COL9A2: variants seen among roughly 807,000 people sequenced by gnomAD.
COL9A2 encodes collagen alpha-2(IX) chain.
A neutral mutation model predicts 111.6 loss-of-function variants in COL9A2; 66 were observed. That is an observed-to-expected ratio of 0.59 (90% CI 0.48 to 0.73). COL9A2 has a LOEUF of 0.73. Among genes scored for constraint, COL9A2 ranks in the 30% least tolerant of loss-of-function variants. COL9A2 has a pLI of 0.00. For synonymous variants in COL9A2, 353 were observed against 364.1 expected, an observed-to-expected ratio of 0.97 and a Z score of 0.35; for missense variants, 881 against 954.1, an observed-to-expected ratio of 0.92 and a Z score of 1.01.
At position 40,311,553 on chromosome 1, in the gene COL9A2, A is replaced by T. The variant is rs1461695071; in HGVS notation, c.472-6T>A. On this transcript the variant is annotated splice_polypyrimidine_tract_variant and splice_region_variant and intron_variant, in intron 9 of 31. Transcript: ENST00000372748. The surrounding 1 kb of genome is among the most constrained non-coding windows in gnomAD (Gnocchi z 5.1). ...TGGATGGTTCCCGGGCGACCCTGAG[A>T]GGAGACATGAAGATGGAGCTTGGCC... 1 of 1,612,530 alleles carries T rather than the reference A, an allele frequency of 6.2e-7. No homozygotes were observed.
Position 40,305,710 on chromosome 1 carries a change from T to C in COL9A2, c.1107+5A>G, listed in dbSNP as rs1644018114. 6.2e-7 allele frequency: 1 copy of C among 1,613,726 alleles called. No homozygotes were observed. Reference sequence around the variant, plus strand: ...AACCCTTGTGTCAGTGCAGGGGGCATTTACCTCTTTCCCAGGGGGACCAGA... The same window carrying C: ...AACCCTTGTGTCAGTGCAGGGGGCACTTACCTCTTTCCCAGGGGGACCAGA... On this transcript the variant is annotated splice_donor_5th_base_variant and intron_variant, in intron 21 of 31. Coordinates refer to ENST00000372748, the MANE Select transcript of COL9A2 (RefSeq NM_001852.4).
chr1:40,314,103 C>T lies in COL9A2; in HGVS notation c.249+102G>A. On this transcript the variant is annotated intron_variant, in intron 4 of 31. Coordinates refer to ENST00000372748, the MANE Select transcript of COL9A2 (RefSeq NM_001852.4). This position sits in a 1 kb window ranked among gnomAD's most constrained non-coding sequence, Gnocchi z 4.1. ...GGCTCACAGCTGGAGAATCTCCATC[C>T]TGCTGCCCATCTCTGAACAGATCAG... The T allele has an allele frequency of 7.9e-7, 1 of 1,264,138 alleles. No individual in the cohort carries two copies. The highest frequency in any genetic ancestry group is 1.2e-6 in the Non-Finnish European group (1 of 862,972). The allele number at this position is 1,264,138 out of a possible 1,614,324, so 78.3% of individuals were successfully genotyped here. A position where few individuals can be genotyped will look rare whatever the true frequency, so the allele number is the denominator to read the frequency against.
rs548667653 is a variant in COL9A2 at position 40,311,458 on chromosome 1, C to A, written c.519+42G>T. The A allele has an allele frequency of 1.5e-5, 24 of 1,585,372 alleles. No homozygotes were observed. In the South Asian group the frequency reaches 2.4e-4, roughly 16 times the overall value. ...GCCCCGCCTCCCCATCTCTGTGGCC[C>A]CGCCCCCCTGTGTTAGCCCCGCCCC... is the stretch of plus-strand genomic sequence containing the variant. On this transcript the variant is annotated intron_variant, in intron 10 of 31. Coordinates refer to ENST00000372748, the MANE Select transcript of COL9A2 (RefSeq NM_001852.4). The surrounding 1 kb of genome is among the most constrained non-coding windows in gnomAD (Gnocchi z 5.1).
intron 17 of COL9A2, 104 bp downstream of exon 17, chr1:40,308,088 G>C: frequency 1.7e-6 from 2 of 1,156,090 alleles, no homozygotes; most frequent in Non-Finnish European, 1.3e-6. Context: ...CAGCCCACCA[G>C]TTGCAGAGTT....
chr1:40,312,057 A>AC lies in COL9A2; in HGVS notation c.417+1dup. 6.3e-7 allele frequency: 1 copy of AC among 1,598,916 alleles called. No individual in the cohort carries two copies. On this transcript the variant is annotated splice_donor_variant, in intron 8 of 31. Transcript: ENST00000372748. LOFTEE classifies it high-confidence loss of function. The surrounding 1 kb of genome is among the most constrained non-coding windows in gnomAD (Gnocchi z 6.0). ...AGTGAACAGAGGGTGGCTGAGGCTCACCTTGGGGCCTCGGATTCCAATCTC... is the reference window on the plus strand; with the variant it reads ...AGTGAACAGAGGGTGGCTGAGGCTCACCCTTGGGGCCTCGGATTCCAATCTC...
At position 40,301,848 on chromosome 1, in the gene COL9A2, C is replaced by A. The variant is rs142151614; in HGVS notation, c.1834G>T (p.Gly612Trp). The A allele has an allele frequency of 1.2e-6, 2 of 1,614,010 alleles. No homozygotes were observed. The stretch of plus-strand genomic sequence containing the variant: ...GGGGGCCCAGGCATCCCGGGGTGCC[C>A]CCGTCCCACTTCTCCTGGATCACCC... ...EKGDPGEVGR[G>W]HPGMPGPPGI... Residue 612 changes from glycine (G) to tryptophan (W), a missense_variant, in exon 31 of 32, where the codon GGG (glycine) becomes TGG (tryptophan). Physicochemically the swap from Gly to Trp is radical, Grantham distance 184 (BLOSUM62 -2). Coordinates refer to ENST00000372748, the MANE Select transcript of COL9A2 (RefSeq NM_001852.4).
chr1:40,303,249 C>A lies in COL9A2; in HGVS notation c.1549-64G>T, dbSNP rs909958775. The A allele has an allele frequency of 5.9e-5, 90 of 1,524,174 alleles. No homozygotes were observed. The highest frequency in any genetic ancestry group is 3.3e-5 in the Non-Finnish European group (37 of 1,113,070). The allele number at this position is 1,524,174 out of a possible 1,614,324, so 94.4% of individuals were successfully genotyped here. On this transcript the variant is annotated intron_variant, in intron 28 of 31. Coordinates refer to ENST00000372748, the MANE Select transcript of COL9A2 (RefSeq NM_001852.4). This position sits in a 1 kb window ranked among gnomAD's most constrained non-coding sequence, Gnocchi z 4.6. Reference sequence around the variant, plus strand: ...CAAGGGCCCACCGCTCCTATCCCACCTGGCTGAGCGTGAGGCCGCCATGGA... The same window carrying A: ...CAAGGGCCCACCGCTCCTATCCCACATGGCTGAGCGTGAGGCCGCCATGGA...
rs554052620 is a variant in COL9A2, at chr1:40,302,760, C to T, written c.1653G>A (p.Ala551=). 47 of 1,565,160 alleles carry T rather than the reference C, an allele frequency of 3.0e-5. No individual in the cohort carries two copies. The East Asian group carries it at 8.9e-4, about 29-fold the overall frequency. The change falls in exon 30 of 32, where the codon GCG becomes GCA. Residue 551 remains alanine, a synonymous_variant. Transcript: ENST00000372748. This position sits in a 1 kb window ranked among gnomAD's most constrained non-coding sequence, Gnocchi z 4.5. ...AVSAKREALG[A]VGMMGPPGPP... is the part of the protein sequence containing the mutation. Reference sequence around the variant, plus strand: ...GTCCTGGAGGACCCATCATGCCCACCGCACCCAGGGCTTCCCGCTTGGCAC... The same window carrying T: ...GTCCTGGAGGACCCATCATGCCCACTGCACCCAGGGCTTCCCGCTTGGCAC...
At chr1:40,308,929 G>A (rs958949567) in intron 16 of COL9A2, among the ~76,000 whole-genome samples, 11 of 152,162 alleles carry the variant, frequency 7.2e-5, no homozygotes, top group Admixed American at 1.3e-4. Flanking sequence ...CTGGTTTTCT[G>A]TATAGTTAAA....
Position 40,301,819 on chromosome 1 carries a change from C to T in COL9A2, c.1863G>A (p.Gly621=). The change falls in exon 31 of 32, where the codon GGG becomes GGA. Residue 621 remains glycine (G), a synonymous_variant. Transcript: ENST00000372748. ...RGHPGMPGPP[G]IPGLPGRPGQ... is the part of the protein sequence containing the mutation. ...GCAGGGCCAATGGCTTACCTGGGATCCCTGGGGGCCCAGGCATCCCGGGGT... is the reference window on the plus strand; with the variant it reads ...GCAGGGCCAATGGCTTACCTGGGATTCCTGGGGGCCCAGGCATCCCGGGGT... The T allele has an allele frequency of 6.2e-7, 1 of 1,614,042 alleles. No homozygotes were observed. Among genetic ancestry groups the T allele is most frequent in the South Asian group, 1.1e-5 (1 of 91,058 alleles).
intron 4 of COL9A2, among the ~76,000 whole-genome samples, chr1:40,313,465 G>T (rs1644164265): frequency 6.6e-6 from 1 of 152,216 alleles, no homozygotes; most frequent in South Asian, 2.1e-4. Flanking sequence ...CACCACGCCA[G>T]GCCATTGGCA....
In COL9A2 at chr1:40,310,794, C is replaced by G. The variant is rs1297399991; in HGVS notation, c.631-27G>C. On this transcript the variant is annotated intron_variant, in intron 12 of 31. Transcript: ENST00000372748. The surrounding 1 kb of genome is among the most constrained non-coding windows in gnomAD (Gnocchi z 4.9). ...TAAAGGGCAGGGATGAGCTGTCAGA[C>G]AGGCAGGCAGATGGAAAGACACATA... The G allele has an allele frequency of 6.5e-7, 1 of 1,548,122 alleles. No individual in the cohort carries two copies. Among genetic ancestry groups the G allele is most frequent in the Non-Finnish European group, 8.8e-7 (1 of 1,142,550 alleles).
rs1470649281 is a variant in COL9A2 at position 40,316,428 on chromosome 1, A to G, written c.75+695T>C. Among the ~76,000 whole-genome samples the G allele has an allele frequency of 2.6e-5, 4 of 152,150 alleles. No homozygotes were observed. On this transcript the variant is annotated intron_variant, in intron 1 of 31. Coordinates refer to ENST00000372748, the MANE Select transcript of COL9A2 (RefSeq NM_001852.4). This position sits in a 1 kb window ranked among gnomAD's most constrained non-coding sequence, Gnocchi z 5.5. Reference sequence around the variant, plus strand: ...TGAGGTTTCAGGGAGGTCACAAGTCATATCAAGATGAGGCGAGCTCACAGC... The same window carrying G: ...TGAGGTTTCAGGGAGGTCACAAGTCGTATCAAGATGAGGCGAGCTCACAGC...
In COL9A2 at chr1:40,301,091, T is replaced by C; in HGVS notation, c.*91A>G. Reference sequence around the variant, plus strand: ...AGACAGAAGGTCCTGGGGGAGATGGTTTCCTGGACTGGGGATGGGTGCATG... The same window carrying C: ...AGACAGAAGGTCCTGGGGGAGATGGCTTCCTGGACTGGGGATGGGTGCATG... On this transcript the variant is annotated 3_prime_UTR_variant, in exon 32 of 32. Transcript: ENST00000372748. 2 of 1,374,262 alleles carry C rather than the reference T, an allele frequency of 1.5e-6. No individual in the cohort carries two copies. The highest frequency in any genetic ancestry group is 2.1e-6 in the Non-Finnish European group (2 of 973,260). The allele number at this position is 1,374,262 out of a possible 1,614,324, so 85.1% of individuals were successfully genotyped here. A position where few individuals can be genotyped will look rare whatever the true frequency, so the allele number is the denominator to read the frequency against.
chr1:40,304,806 G>T lies in COL9A2; in HGVS notation c.1149C>A (p.Ile383=). 1 of 1,550,926 alleles carries T rather than the reference G, an allele frequency of 6.4e-7. No homozygotes were observed. The highest frequency in any genetic ancestry group is 8.7e-7 in the Non-Finnish European group (1 of 1,146,926). The change falls in exon 22 of 32, where the codon ATC becomes ATA. Residue 383 remains isoleucine, a synonymous_variant. Transcript: ENST00000372748. ...GPRGEIGPQG[I]MGQKGDQGER... is the part of the protein sequence containing the mutation. ...GCCAGGCACTTACCTTCTGTCCCAT[G>T]ATGCCCTGGGGACCAATTTCTCCTC... is the stretch of plus-strand genomic sequence containing the variant.
chr1:40,304,334 C>G lies in COL9A2; in HGVS notation c.1273G>C (p.Val425Leu), dbSNP rs148912050. The G allele has an allele frequency of 1.1e-5, 17 of 1,565,322 alleles. No homozygotes were observed. Among genetic ancestry groups the G allele is most frequent in the Non-Finnish European group, 1.5e-5 (17 of 1,154,274 alleles). ...CCATCTGGCACCTTGTCTCCTTTGA[C>G]GCCTGGCAAGCCTTGGGGCCCTGGA... ...GIPGPQGLPG[V>L]KGDKGSPGKT... The change falls in exon 24 of 32, where the codon GTC becomes CTC. Residue 425 changes from valine (V) to leucine (L), a missense_variant. Transcript: ENST00000372748.
In COL9A2 at chr1:40,312,149, A is replaced by G. The variant is rs773065995; in HGVS notation, c.364-37T>C. 6.4e-7 allele frequency: 1 copy of G among 1,556,294 alleles called. No homozygotes were observed. Among genetic ancestry groups the G allele is most frequent in the South Asian group, 1.2e-5 (1 of 86,060 alleles). On this transcript the variant is annotated intron_variant, in intron 7 of 31. Coordinates refer to ENST00000372748, the MANE Select transcript of COL9A2 (RefSeq NM_001852.4). The surrounding 1 kb of genome is among the most constrained non-coding windows in gnomAD (Gnocchi z 6.0). ...AGAGTTGATGGTCAGGATGCCTCAG[A>G]GGGTCAGATACCCTGGGCACAAAGG...
In COL9A2 at chr1:40,301,801, C is replaced by G; in HGVS notation, c.1870+11G>C. ...GGAACACACTGCAGCTGGGCAGGGCCAATGGCTTACCTGGGATCCCTGGGG... is the reference window on the plus strand; with the variant it reads ...GGAACACACTGCAGCTGGGCAGGGCGAATGGCTTACCTGGGATCCCTGGGG... On this transcript the variant is annotated intron_variant, in intron 31 of 31. Coordinates refer to ENST00000372748, the MANE Select transcript of COL9A2 (RefSeq NM_001852.4). The G allele has an allele frequency of 6.2e-7, 1 of 1,613,758 alleles. No individual in the cohort carries two copies. The highest frequency in any genetic ancestry group is 8.5e-7 in the Non-Finnish European group (1 of 1,179,708).
chr1:40,311,068 CA>C lies in COL9A2; in HGVS notation c.630+24del. On this transcript the variant is annotated intron_variant, in intron 12 of 31. Transcript: ENST00000372748. The surrounding 1 kb of genome is among the most constrained non-coding windows in gnomAD (Gnocchi z 5.1). ...GGACCATCTCCACGTATCCCTGACC[CA>C]CAGCCCTCAGCCCTTGCACTCACCG... 1 of 1,613,710 alleles carries C rather than the reference CA, an allele frequency of 6.2e-7. No individual in the cohort carries two copies. The highest frequency in any genetic ancestry group is 1.3e-5 in the African/African-American group (1 of 75,048).
Sources: allele counts gnomAD v4.1 joint callset (sites outside exome capture counted in the v4.1 genomes callset), GRCh38; gene constraint gnomAD v4.1.1; non-coding constraint Gnocchi (gnomAD v3.1); transcripts MANE v1.5; gene names NCBI Gene and HGNC (gene_info 2026-07-23, HGNC 2026-07-21).